Variants in KIF7 observed in about 807,000 individuals in gnomAD.
KIF7 encodes the protein kinesin-like protein KIF7.
A neutral mutation model predicts 135.7 loss-of-function variants in KIF7; 104 were observed. The observed-to-expected ratio is 0.77, with a 90% CI of 0.65 to 0.90. The LOEUF is 0.90. Ranked by LOEUF, KIF7 falls within the 40% of genes least tolerant of loss-of-function variation. The pLI is 0.00. For synonymous variants in KIF7, 883 were observed against 809.4 expected, an observed-to-expected ratio of 1.09 and a Z score of -1.54; for missense variants, 2,005 against 1,839.1, an observed-to-expected ratio of 1.09 and a Z score of -1.65.
At position 89,632,935 on chromosome 15, in the gene KIF7, C is replaced by A; in HGVS notation, c.2780G>T (p.Arg927Leu). 1.2e-6 allele frequency: 2 copies of A among 1,610,496 alleles called. No homozygotes were observed. Among genetic ancestry groups the A allele is most frequent in the Non-Finnish European group, 1.7e-6 (2 of 1,179,712 alleles). The change falls in exon 14 of 19, where the codon CGG (arginine) becomes CTG (leucine). Residue 927 changes from arginine (R) to leucine (L), a missense_variant. Coordinates refer to ENST00000394412, the MANE Select transcript of KIF7 (RefSeq NM_198525.3). ...CTCCTCCCCCAGCTCCTCCAGCGCC[C>A]GCCGCTGCTGTAGCACCTTCTCCAT... Reference protein sequence around the residue: ...QEMEKVLQQRRALEELGEELH... With the variant: ...QEMEKVLQQRLALEELGEELH...
chr15:89,633,864 T>G lies in KIF7; in HGVS notation c.2414A>C (p.Gln805Pro), dbSNP rs1567060210. The change falls in exon 12 of 19, where the codon CAG becomes CCG. Residue 805 changes from glutamine to proline, a missense_variant. Physicochemically the swap from Gln to Pro is moderately conservative, Grantham distance 76. Transcript: ENST00000394412. Reference protein sequence around the residue: ...SQVQVLKEKKQATERLVSLSA... With the variant: ...SQVQVLKEKKPATERLVSLSA... The stretch of plus-strand genomic sequence containing the variant: ...CAGTGACACCAGCCGCTCCGTAGCC[T>G]GCTTCTTCTCCTTCAGCACCTGGGA... 1 of 1,613,796 alleles carries G rather than the reference T, an allele frequency of 6.2e-7. No individual in the cohort carries two copies. Among genetic ancestry groups the G allele is most frequent in the African/African-American group, 1.3e-5 (1 of 75,064 alleles).
chr15:89,647,526 A>C, intron 6 of KIF7, 70 bp downstream of exon 6: 2 of 1,373,526 alleles, frequency 1.5e-6, no homozygotes, highest in Non-Finnish European at 2.1e-6. Context: ...CCATCCTGAG[A>C]AACTCAGCTC....
At chr15:89,618,074 G>T in exon 2 of KIF7, 1 of 1,411,472 alleles carries the variant, frequency 7.1e-7, no homozygotes, top group East Asian at 2.3e-5. Flanking sequence ...ATCTTGTTAA[G>T]TGAGAAGCTG....
the KIF7 span, among the ~76,000 whole-genome samples, chr15:89,661,852 G>C: frequency 6.6e-6 from 1 of 151,858 alleles, no homozygotes; most frequent in South Asian, 2.1e-4. Flanking sequence ...CTCCTGAGTA[G>C]CTGGCAATTA....
At chr15:89,634,812 G>C (rs1408724665) in intron 11 of KIF7, among the ~76,000 whole-genome samples, 1 of 152,170 alleles carries the variant, frequency 6.6e-6, no homozygotes, top group Non-Finnish European at 1.5e-5. Context: ...GCTCGATCTG[G>C]GTGGAGCCCA....
Position 89,642,387 on chromosome 15 carries a change from A to C in KIF7, c.2210T>G (p.Leu737Arg). The change falls in exon 11 of 19, where the codon CTG becomes CGG. Residue 737 changes from leucine to arginine, a missense_variant. Transcript: ENST00000394412. The part of the protein sequence containing the change: ...LVRTGKAAQA[L>R]NRQHSQRIRE... ...GATACGCTGGCTGTGCTGGCGGTTC[A>C]GGGCCTGAGCTGCCTTTCCTGGAAG... 2 of 1,603,510 alleles carry C rather than the reference A, an allele frequency of 1.2e-6. No homozygotes were observed. The highest frequency in any genetic ancestry group is 1.9e-4 in the Middle Eastern group (1 of 5,318).
downstream of KIF7, chr15:89,627,151 T>C: frequency 6.3e-7 from 1 of 1,594,704 alleles, no homozygotes; most frequent in East Asian, 2.2e-5. Flanking sequence ...ATAAAGAAGT[T>C]GGATGCCTGG....
intron 10 of KIF7, among the ~76,000 whole-genome samples, chr15:89,643,377 GGTCA>G (rs1963955959): frequency 6.6e-6 from 1 of 152,202 alleles, no homozygotes; most frequent in Admixed American, 6.5e-5. Flanking sequence ...GGAAGATGTG[GGTCA>G]GTTACTGTAA....
downstream of KIF7, among the ~76,000 whole-genome samples, chr15:89,626,269 G>C (rs1322920676): frequency 2.6e-5 from 4 of 152,252 alleles, no homozygotes; most frequent in South Asian, 2.1e-4. Flanking sequence ...TCAAAATCCT[G>C]CTAAAATTCC....
chr15:89,653,369 T>C (rs1964155610), intron 1 of KIF7, among the ~76,000 whole-genome samples: 1 of 152,220 alleles, frequency 6.6e-6, no homozygotes, highest in African/African-American at 2.4e-5. Flanking sequence ...CCCACCTTCT[T>C]CAAAAAAGTC....
At position 89,628,462 on chromosome 15, in the gene KIF7, C is replaced by T. The variant is rs377066237; in HGVS notation, c.3989G>A (p.Arg1330Gln). 37 of 1,608,918 alleles carry T rather than the reference C, an allele frequency of 2.3e-5. No individual in the cohort carries two copies. The Admixed American group carries it at 2.5e-4, about 11-fold the overall frequency. Residue 1330 changes from arginine (R) to glutamine (Q), a missense_variant, in exon 19 of 19, where the codon CGA becomes CAA. Coordinates refer to ENST00000394412, the MANE Select transcript of KIF7 (RefSeq NM_198525.3). ...PLSKPRRELR[R>Q]ASPGMIDVRK... The stretch of plus-strand genomic sequence containing the variant: ...GACATCAATCATCCCCGGGCTGGCT[C>T]GTCGCAGTTCCCGCCGGGGCTTGGA...
rs1388289752 is a variant in KIF7, at chr15:89,630,366, C to T, written c.3239G>A (p.Cys1080Tyr). 1 of 1,614,178 alleles carries T rather than the reference C, an allele frequency of 6.2e-7. No homozygotes were observed. Among genetic ancestry groups the T allele is most frequent in the Non-Finnish European group, 8.5e-7 (1 of 1,180,024 alleles). The change falls in exon 16 of 19, where the codon TGC becomes TAC. Residue 1080 changes from cysteine (C) to tyrosine (Y), a missense_variant. By Grantham distance (194) the Cys-to-Tyr change is radical. Transcript: ENST00000394412. ...GAGCTTGGCCATGAGGTTCATCTCG[C>T]ACTGGGACAGCAACGAGGCTGAGGC... ...LRASASLLSQ[C>Y]EMNLMAKLSY... is the part of the protein sequence containing the mutation.
At chr15:89,658,389 A>C (rs1448200775), upstream of KIF7, among the ~76,000 whole-genome samples, 6 of 151,776 alleles carry the variant, frequency 4.0e-5, no homozygotes, top group South Asian at 1.0e-3. Flanking sequence ...GGTCAAAGCT[A>C]CAGTAAGCTG....
chr15:89,636,145 C>T (rs1358433915), intron 11 of KIF7, among the ~76,000 whole-genome samples: 2 of 151,926 alleles, frequency 1.3e-5, no homozygotes, highest in Non-Finnish European at 2.9e-5. Context: ...TTTTGTCACA[C>T]CCAGGCCTGC....
In KIF7 at chr15:89,628,427, G is replaced by T; in HGVS notation, c.4024C>A (p.Pro1342Thr). The part of the protein sequence containing the change: ...SPGMIDVRKN[P>T]L ...GGGTCTGCCCCGAGGGCTTACAGGG[G>T]GTTTTTCCGGACATCAATCATCCCC... Residue 1342 changes from proline (P) to threonine (T), a missense_variant, in exon 19 of 19, where the codon CCC becomes ACC. Coordinates refer to ENST00000394412, the MANE Select transcript of KIF7 (RefSeq NM_198525.3). 4 of 1,606,160 alleles carry T rather than the reference G, an allele frequency of 2.5e-6. No individual in the cohort carries two copies. The highest frequency in any genetic ancestry group is 3.4e-6 in the Non-Finnish European group (4 of 1,176,150).
At position 89,628,423 on chromosome 15, in the gene KIF7, A is replaced by C. The variant is rs1210799751; in HGVS notation, c.4028T>G (p.Leu1343Arg). The C allele has an allele frequency of 1.2e-6, 2 of 1,605,076 alleles. No homozygotes were observed. The highest frequency in any genetic ancestry group is 1.7e-6 in the Non-Finnish European group (2 of 1,175,706). Residue 1343 changes from leucine to arginine, a missense_variant, in exon 19 of 19, where the codon CTG becomes CGG. By Grantham distance (102) the Leu-to-Arg change is moderately radical. Transcript: ENST00000394412. ...GGCAGGGTCTGCCCCGAGGGCTTAC[A>C]GGGGGTTTTTCCGGACATCAATCAT... ...PGMIDVRKNP[L>R]
chr15:89,646,797 G>T (rs1463172939), intron 7 of KIF7, 33 bp downstream of exon 7: 1 of 1,599,962 alleles, frequency 6.3e-7, no homozygotes, highest in Middle Eastern at 1.9e-4. Context: ...GTCCAGCAGG[G>T]CCCACAGACA....
chr15:89,652,452 C>G (rs1964138370), intron 2 of KIF7, 151 bp downstream of exon 2: 1 of 681,452 alleles, frequency 1.5e-6, no homozygotes, highest in Non-Finnish European at 2.5e-6. Flanking sequence ...TGGTCCCAGC[C>G]TGGGCCACAG....
At chr15:89,625,218 G>C (rs1474006434), downstream of KIF7, 3 of 1,613,680 alleles carry the variant, frequency 1.9e-6, no homozygotes, top group South Asian at 3.3e-5. Context: ...CACCTGGCAA[G>C]AGCAGGGGGC....
Sources: gnomAD v4.1 joint callset for allele counts (sites outside exome capture counted in the v4.1 genomes callset) on GRCh38, gnomAD v4.1.1 for gene constraint, MANE v1.5 for transcripts, NCBI Gene and HGNC (gene_info 2026-07-23, HGNC 2026-07-21) for gene names.